The following STARD13 variants were observed in gnomAD, a reference collection of about 807,000 sequenced individuals.
STARD13 encodes stAR-related lipid transfer protein 13.
Under a neutral mutation model 106.4 loss-of-function variants are expected in STARD13, and 62 were observed. That is an observed-to-expected ratio of 0.58 (90% confidence interval 0.48 to 0.72). The LOEUF (loss-of-function observed/expected upper bound fraction) is 0.72. Among genes scored for constraint, STARD13 ranks in the 30% least tolerant of loss-of-function variants. The pLI, the probability that STARD13 is intolerant of heterozygous loss-of-function variation, is 0.00. For synonymous variants in STARD13, 565 were observed against 553.0 expected (o/e 1.02, Z -0.31); for missense variants, 1,387 against 1,424.0 (o/e 0.97, Z 0.42).
chr13:33,398,720 C>A, the STARD13 span, among the ~76,000 whole-genome samples: 1 of 152,114 alleles, frequency 6.6e-6, no homozygotes, highest in African/African-American at 2.4e-5. Context: ...AGTATCAGGA[C>A]AATGTAAATT....
chr13:33,438,870 G>T, the STARD13 span, among the ~76,000 whole-genome samples: 1 of 152,116 alleles, frequency 6.6e-6, no homozygotes, highest in Non-Finnish European at 1.5e-5. Flanking sequence ...TGCAGATAAG[G>T]GTAGCATCAG....
intron 7 of STARD13, among the ~76,000 whole-genome samples, chr13:33,120,572 T>C (rs1261427799): frequency 6.6e-6 from 1 of 152,124 alleles, no homozygotes; most frequent in Non-Finnish European, 1.5e-5. Flanking sequence ...TAGACGTATA[T>C]ATATATTTTG....
At chr13:33,186,298 A>T (rs1418450323) in intron 1 of STARD13, among the ~76,000 whole-genome samples, 2 of 152,214 alleles carry the variant, frequency 1.3e-5, no homozygotes, top group Admixed American at 1.3e-4. Context: ...ACCCCTAAAG[A>T]GGACTAAAAT....
the STARD13 span, among the ~76,000 whole-genome samples, chr13:33,512,517 G>C: frequency 6.6e-6 from 1 of 152,014 alleles, no homozygotes; most frequent in South Asian, 2.1e-4. Flanking sequence ...GCTTAGGCTG[G>C]AGTGCAGTGG....
chr13:33,496,391 T>C, the STARD13 span, among the ~76,000 whole-genome samples: 22 of 151,734 alleles, frequency 1.4e-4, no homozygotes, highest in East Asian at 4.3e-3. Context: ...TCATTATTAT[T>C]GTTACTATTA....
At chr13:33,364,867 A>T in the STARD13 span, among the ~76,000 whole-genome samples, 3 of 151,882 alleles carry the variant, frequency 2.0e-5, no homozygotes, top group East Asian at 5.8e-4. Context: ...CCAGCCTGGG[A>T]GACAGAGCGA....
chr13:33,282,786 T>C (rs894402034), intron 1 of STARD13, among the ~76,000 whole-genome samples: 1 of 152,130 alleles, frequency 6.6e-6, no homozygotes, highest in Non-Finnish European at 1.5e-5. Context: ...CCGCACTTTG[T>C]GAGGCTGAGG....
chr13:33,512,835 G>T, the STARD13 span, among the ~76,000 whole-genome samples: 7 of 152,048 alleles, frequency 4.6e-5, no homozygotes, highest in Admixed American at 1.3e-4. Flanking sequence ...CAAACCACTA[G>T]AAGATACCAG....
At chr13:33,514,449 T>C in the STARD13 span, among the ~76,000 whole-genome samples, 39 of 152,070 alleles carry the variant, frequency 2.6e-4, no homozygotes, top group Non-Finnish European at 4.9e-4. Flanking sequence ...GTTATCTAGT[T>C]ACCAGTTGCA....
intron 1 of STARD13, chr13:33,277,686 A>G (rs1348969614): frequency 2.6e-5 from 4 of 152,178 alleles, no homozygotes; most frequent in Non-Finnish European, 5.9e-5. Flanking sequence ...CAGGACTTCA[A>G]CTACATTATG....
chr13:33,579,635 C>CAT, the STARD13 span, among the ~76,000 whole-genome samples: 47 of 148,470 alleles, frequency 3.2e-4, no homozygotes, highest in African/African-American at 8.6e-4. Context: ...ATTGAAATAT[C>CAT]ATATATATAT....
At chr13:33,627,493 C>T in the STARD13 span, among the ~76,000 whole-genome samples, 2 of 151,908 alleles carry the variant, frequency 1.3e-5, no homozygotes, top group Admixed American at 6.6e-5. Context: ...AAAAATTGGC[C>T]GAGTGCGGTG....
At chr13:33,241,406 C>T (rs1449234384) in intron 1 of STARD13, among the ~76,000 whole-genome samples, 1 of 152,062 alleles carries the variant, frequency 6.6e-6, no homozygotes, top group Non-Finnish European at 1.5e-5. Flanking sequence ...ATAAAAACTG[C>T]ATTTTTATTA....
the STARD13 span, among the ~76,000 whole-genome samples, chr13:33,609,914 G>A: frequency 6.6e-6 from 1 of 152,188 alleles, no homozygotes; most frequent in Non-Finnish European, 1.5e-5. Context: ...CACTAGGCAT[G>A]TGTGCTAGTG....
Position 33,107,408 on chromosome 13 carries a change from A to G in STARD13, c.3048-474T>C, listed in dbSNP as rs996434436. On this transcript the variant is annotated intron_variant, in intron 12 of 13. Transcript: ENST00000336934. Reference sequence around the variant, plus strand: ...ATTCTAAAAGCACTGAGGTAAATGCACTGGTAAGATTATGCACAGAGGGCT... The same window carrying G: ...ATTCTAAAAGCACTGAGGTAAATGCGCTGGTAAGATTATGCACAGAGGGCT... Among the ~76,000 whole-genome samples, 11 of 152,294 alleles carry G rather than the reference A, an allele frequency of 7.2e-5. 1 individual carries two copies. Among genetic ancestry groups the G allele is most frequent in the Middle Eastern group, 6.8e-3 (2 of 294 alleles).
upstream of STARD13, among the ~76,000 whole-genome samples, chr13:33,290,500 AC>A (rs1298040932): frequency 6.6e-6 from 1 of 152,228 alleles, no homozygotes; most frequent in Non-Finnish European, 1.5e-5. Context: ...GGTGACACTA[AC>A]ACTGGCAGCT....
intron 12 of STARD13, among the ~76,000 whole-genome samples, chr13:33,108,168 T>C (rs1874027964): frequency 6.6e-6 from 1 of 152,180 alleles, no homozygotes; most frequent in South Asian, 2.1e-4. Flanking sequence ...GGGTGTGACA[T>C]GAGAGACAAA....
At chr13:33,242,639 G>GA (rs1014432355) in intron 1 of STARD13, among the ~76,000 whole-genome samples, 3 of 151,974 alleles carry the variant, frequency 2.0e-5, no homozygotes, top group Non-Finnish European at 4.4e-5. Context: ...CTCTGCCTAG[G>GA]AAAACCAGAG....
chr13:33,214,974 T>C (rs2138151437), intron 1 of STARD13, among the ~76,000 whole-genome samples: 1 of 152,260 alleles, frequency 6.6e-6, no homozygotes, highest in South Asian at 2.1e-4. Context: ...TTAAGTCCTT[T>C]GGAAGCATTA....
Sources: allele counts gnomAD v4.1 joint callset (sites outside exome capture counted in the v4.1 genomes callset), GRCh38; gene constraint gnomAD v4.1.1; transcripts MANE v1.5; gene names NCBI Gene and HGNC (gene_info 2026-07-23, HGNC 2026-07-21).